The following ADAMTS18 variants were observed in gnomAD, a reference collection of about 807,000 sequenced individuals.
ADAMTS18 encodes the protein A disintegrin and metalloproteinase with thrombospondin motifs 18.
ADAMTS18 carries 157 observed loss-of-function variants against 165.9 expected under a neutral mutation model. The observed-to-expected ratio is 0.95, with a 90% CI of 0.83 to 1.08. ADAMTS18 has a LOEUF of 1.08. Ranked by LOEUF, ADAMTS18 falls within the 50% of genes least tolerant of loss-of-function variation. The pLI is 0.00. For synonymous variants in ADAMTS18, 782 were observed against 578.2 expected, an observed-to-expected ratio of 1.35 and a Z score of -5.06; for missense variants, 2,040 against 1,534.0, an observed-to-expected ratio of 1.33 and a Z score of -5.51.
At chr16:77,324,439 A>G (rs2056058457) in intron 13 of ADAMTS18, among the ~76,000 whole-genome samples, 2 of 152,204 alleles carry the variant, frequency 1.3e-5, no homozygotes. Flanking sequence ...TTATTCATTC[A>G]TTTCAAAAGT....
intron 3 of ADAMTS18, among the ~76,000 whole-genome samples, chr16:77,424,767 A>G (rs2057650267): frequency 6.6e-6 from 1 of 152,236 alleles, no homozygotes; most frequent in African/African-American, 2.4e-5. Context: ...CACTGATTTC[A>G]GTTTGTCTGT....
chr16:77,393,071 G>A (rs16945586), intron 3 of ADAMTS18, among the ~76,000 whole-genome samples: 17,660 of 152,198 alleles, frequency 0.12, 1,171 homozygotes, highest in African/African-American at 0.18. Context: ...CTGAAAGTCA[G>A]CTGCATTTTG....
intron 16 of ADAMTS18, among the ~76,000 whole-genome samples, chr16:77,317,165 C>A (rs2055902358): frequency 6.6e-6 from 1 of 152,060 alleles, no homozygotes. Flanking sequence ...TGTACATCTG[C>A]CTTCATTTAT....
At chr16:77,386,156 C>T (rs1285437226) in intron 3 of ADAMTS18, among the ~76,000 whole-genome samples, 1 of 152,156 alleles carries the variant, frequency 6.6e-6, no homozygotes, top group Non-Finnish European at 1.5e-5. Context: ...CGCAAGACAG[C>T]AAGCTCCCTG....
At chr16:77,411,970 G>C (rs2057470567) in intron 3 of ADAMTS18, among the ~76,000 whole-genome samples, 1 of 151,930 alleles carries the variant, frequency 6.6e-6, no homozygotes, top group Admixed American at 6.6e-5. Flanking sequence ...TTACAGGCAG[G>C]AGCCACCGAG....
intron 3 of ADAMTS18, among the ~76,000 whole-genome samples, chr16:77,394,807 T>C (rs1269755855): frequency 3.3e-5 from 5 of 152,198 alleles, no homozygotes; most frequent in African/African-American, 1.2e-4. Context: ...CCATCATTAA[T>C]TCATCAGGCT....
rs370946189 is a variant in ADAMTS18 at position 77,335,740 on chromosome 16, T to A, written c.1859+16A>T. 3.1e-6 allele frequency: 5 copies of A among 1,614,198 alleles called. No homozygotes were observed. The highest frequency in any genetic ancestry group is 4.2e-6 in the Non-Finnish European group (5 of 1,180,016). ...GTTAAGGCCTTGCAAAGACTAACTT[T>A]CTGCTGGAGGCTTACTTGGGGTTAT... On this transcript the variant is annotated intron_variant, in intron 12 of 22. Transcript: ENST00000282849.
Position 77,341,689 on chromosome 16 carries a change from A to C in ADAMTS18, c.1710+15T>G. The C allele has an allele frequency of 6.2e-7, 1 of 1,604,894 alleles. No individual in the cohort carries two copies. Among genetic ancestry groups the C allele is most frequent in the Non-Finnish European group, 8.5e-7 (1 of 1,172,522 alleles). ...CAAATTTCTGGAGCTAAAAACTAAC[A>C]AGTATGCAGTTTACCATACTCAAGC... On this transcript the variant is annotated intron_variant, in intron 11 of 22. Transcript: ENST00000282849.
intron 11 of ADAMTS18, among the ~76,000 whole-genome samples, chr16:77,338,503 CT>C (rs1356084941): frequency 6.6e-6 from 1 of 151,906 alleles, no homozygotes; most frequent in Non-Finnish European, 1.5e-5. Context: ...CCCCAAAGTG[CT>C]GAGATTACAG....
intron 3 of ADAMTS18, among the ~76,000 whole-genome samples, chr16:77,415,759 T>C (rs1222978984): frequency 1.4e-5 from 2 of 145,344 alleles, no homozygotes; most frequent in Non-Finnish European, 3.0e-5. Flanking sequence ...GTGGCCACTG[T>C]CATTTTTGAG....
chr16:77,337,908 C>CTTTTTTTT (rs10679600), intron 11 of ADAMTS18, among the ~76,000 whole-genome samples: 97 of 140,830 alleles, frequency 6.9e-4, no homozygotes, highest in African/African-American at 2.5e-3. Flanking sequence ...CTTTTCTTTT[C>CTTTTTTTT]TTTTTTTTTT....
At chr16:77,383,087 T>A (rs2057055330) in intron 3 of ADAMTS18, among the ~76,000 whole-genome samples, 1 of 152,192 alleles carries the variant, frequency 6.6e-6, no homozygotes, top group Non-Finnish European at 1.5e-5. Context: ...AACTAATCTC[T>A]TGAGCTCCTC....
intron 16 of ADAMTS18, among the ~76,000 whole-genome samples, chr16:77,302,665 G>T (rs2144597597): frequency 6.6e-6 from 1 of 152,260 alleles, no homozygotes; most frequent in South Asian, 2.1e-4. Flanking sequence ...AAAACGCAAA[G>T]AAAATATAAA....
intron 3 of ADAMTS18, among the ~76,000 whole-genome samples, chr16:77,401,836 A>G (rs2057335770): frequency 6.6e-6 from 1 of 152,134 alleles, no homozygotes. Flanking sequence ...GAGCAAGGAT[A>G]TCCATCTTCT....
chr16:77,289,455 G>A (rs2055321750), intron 21 of ADAMTS18, 44 bp from the exon 22 acceptor site: 2 of 1,605,196 alleles, frequency 1.2e-6, no homozygotes, highest in Non-Finnish European at 1.7e-6. Flanking sequence ...ACTCTACTGA[G>A]GTCAGTGACA....
rs527849063 is a variant in ADAMTS18, at chr16:77,335,703, T to C, written c.1859+53A>G. ...GTATGAACAAGAAAAACCAGCGTGT[T>C]ACAGGCTGAAGGTTAAGGCCTTGCA... is the stretch of plus-strand genomic sequence containing the variant. On this transcript the variant is annotated intron_variant, in intron 12 of 22. Transcript: ENST00000282849. The C allele has an allele frequency of 4.4e-6, 7 of 1,607,426 alleles. 1 individual carries two copies. In the East Asian group the frequency reaches 1.6e-4, roughly 36 times the overall value.
At chr16:77,316,125 C>T (rs1017206861) in intron 16 of ADAMTS18, among the ~76,000 whole-genome samples, 4 of 152,222 alleles carry the variant, frequency 2.6e-5, no homozygotes, top group African/African-American at 4.8e-5. Context: ...AACAGATCCA[C>T]TTCCTGCCAC....
intron 16 of ADAMTS18, among the ~76,000 whole-genome samples, chr16:77,301,874 CA>C (rs1204974206): frequency 6.6e-6 from 1 of 151,892 alleles, no homozygotes; most frequent in African/African-American, 2.4e-5. Context: ...CATCCAAAAC[CA>C]AATCAATACA....
chr16:77,314,753 C>CTTTATATATATATATATATAT (rs1555511655), intron 16 of ADAMTS18, among the ~76,000 whole-genome samples: 1 of 36,902 alleles, frequency 2.7e-5, no homozygotes, highest in African/African-American at 1.1e-4. Flanking sequence ...TCTCAGGTTT[C>CTTTATATATATATATATATAT]ATATATATAT....
Sources: gnomAD v4.1 joint callset for allele counts (sites outside exome capture counted in the v4.1 genomes callset) on GRCh38, gnomAD v4.1.1 for gene constraint, MANE v1.5 for transcripts, NCBI Gene and HGNC (gene_info 2026-07-23, HGNC 2026-07-21) for gene names.